VPS4B: variants seen among roughly 807,000 people sequenced by gnomAD.
VPS4B encodes vacuolar protein sorting-associated protein 4B.
VPS4B carries 23 observed loss-of-function variants against 56.1 expected under a neutral mutation model. The observed-to-expected ratio is 0.41, with a 90% CI of 0.30 to 0.58. The LOEUF is 0.58. Among genes scored for constraint, VPS4B ranks in the 20% least tolerant of loss-of-function variants. The pLI, the probability that VPS4B is intolerant of heterozygous loss-of-function variation, is 0.29. For synonymous variants in VPS4B, 177 were observed against 186.0 expected, an observed-to-expected ratio of 0.95 and a Z score of 0.39; for missense variants, 372 against 531.9, an observed-to-expected ratio of 0.70 and a Z score of 2.96.
intron 5 of VPS4B, 124 bp downstream of exon 5, chr18:63,403,583 C>A: frequency 9.5e-7 from 1 of 1,055,520 alleles, no homozygotes; most frequent in Non-Finnish European, 1.3e-6. Flanking sequence ...GATATATCAC[C>A]ACCTTTTAAC....
intron 1 of VPS4B, among the ~76,000 whole-genome samples, chr18:63,421,822 A>G (rs571418636): frequency 2.0e-5 from 3 of 152,220 alleles, no homozygotes; most frequent in Non-Finnish European, 4.4e-5. Context: ...CTCACCTGAC[A>G]GCTCAGAATG....
At chr18:63,400,437 G>A (rs1204883163) in intron 6 of VPS4B, 110 bp downstream of exon 6, 19 of 1,236,430 alleles carry the variant, frequency 1.5e-5, no homozygotes, top group Non-Finnish European at 2.1e-5. Context: ...GTGAGTACCT[G>A]TATTACATGA....
At chr18:63,415,033 T>C (rs375829086) in intron 1 of VPS4B, among the ~76,000 whole-genome samples, 4 of 152,314 alleles carry the variant, frequency 2.6e-5, no homozygotes, top group South Asian at 2.1e-4. Context: ...GTAATTAAAA[T>C]AGCCACATGC....
intron 5 of VPS4B, among the ~76,000 whole-genome samples, chr18:63,401,088 T>C (rs1318969892): frequency 2.0e-5 from 3 of 152,194 alleles, no homozygotes; most frequent in Non-Finnish European, 4.4e-5. Context: ...CAGAATATTG[T>C]ACAAAAATTA....
At chr18:63,414,199 T>C (rs1916111936) in intron 1 of VPS4B, among the ~76,000 whole-genome samples, 1 of 151,690 alleles carries the variant, frequency 6.6e-6, no homozygotes, top group Non-Finnish European at 1.5e-5. Flanking sequence ...CTGGCCAATA[T>C]AATGAAACCC....
chr18:63,400,319 T>C (rs1402106426), intron 6 of VPS4B, 123 bp from the exon 7 acceptor site: 1 of 1,171,610 alleles, frequency 8.5e-7, no homozygotes, highest in Non-Finnish European at 1.2e-6. Flanking sequence ...GTACAGAAAA[T>C]AAGAATGCTA....
Position 63,391,083 on chromosome 18 carries a change from G to A in VPS4B, c.1234-7C>T, listed in dbSNP as rs746783282. The A allele has an allele frequency of 1.1e-5, 18 of 1,586,544 alleles. No homozygotes were observed. The highest frequency in any genetic ancestry group is 4.4e-5 in the South Asian group (4 of 90,118). On this transcript the variant is annotated splice_polypyrimidine_tract_variant and splice_region_variant and intron_variant, in intron 10 of 10. Coordinates refer to ENST00000238497, the MANE Select transcript of VPS4B (RefSeq NM_004869.4). Reference sequence around the variant, plus strand: ...GTGACCGCAACATATCCGACTGTCAGGGAAAAAGAAGGGTAGGGAGGATAT... The same window carrying A: ...GTGACCGCAACATATCCGACTGTCAAGGAAAAAGAAGGGTAGGGAGGATAT...
At chr18:63,420,459 C>T (rs1037975324) in intron 1 of VPS4B, among the ~76,000 whole-genome samples, 7 of 151,850 alleles carry the variant, frequency 4.6e-5, no homozygotes, top group Admixed American at 4.6e-4. Flanking sequence ...ACAACAACAA[C>T]AAAAACCTGC....
intron 4 of VPS4B, among the ~76,000 whole-genome samples, chr18:63,406,219 C>T (rs549763652): frequency 1.6e-4 from 24 of 152,278 alleles, no homozygotes; most frequent in African/African-American, 5.5e-4. Flanking sequence ...GTGGTGGGGA[C>T]ACCACTACGC....
rs1915494532 is a variant in VPS4B at position 63,389,498 on chromosome 18, C to G, written c.*1477G>C. 6.6e-6 allele frequency: 1 copy of G among 152,614 alleles called. No homozygotes were observed. The highest frequency in any genetic ancestry group is 1.5e-5 in the Non-Finnish European group (1 of 68,036). The allele number at this position is 152,614 out of a possible 1,614,324, so 9.5% of individuals were successfully genotyped here. A position where few individuals can be genotyped will look rare whatever the true frequency, so the allele number is the denominator to read the frequency against. ...CTGTAATTAGGGAATCTAGTTCATC[C>G]TAACTTAATAGTCTTTTGCATGTAT... On this transcript the variant is annotated 3_prime_UTR_variant, in exon 11 of 11. Transcript: ENST00000238497.
intron 1 of VPS4B, among the ~76,000 whole-genome samples, chr18:63,418,915 T>A (rs1483525869): frequency 1.3e-5 from 2 of 152,214 alleles, no homozygotes; most frequent in Non-Finnish European, 2.9e-5. Flanking sequence ...TACACATATG[T>A]ATGCAAATAT....
rs1916012875 is a variant in VPS4B at position 63,410,381 on chromosome 18, C to T, written c.205G>A (p.Ala69Thr). 1 of 1,613,916 alleles carries T rather than the reference C, an allele frequency of 6.2e-7. No homozygotes were observed. Among genetic ancestry groups the T allele is most frequent in the East Asian group, 2.2e-5 (1 of 44,880 alleles). ...TTCAGGTACTCCTTTAGTTTTTCTG[C>T]TCTATCAAGATATTCTGTACACTTT... Reference protein sequence around the residue: ...RAKCTEYLDRAEKLKEYLKNK... With the variant: ...RAKCTEYLDRTEKLKEYLKNK... The change falls in exon 3 of 11, where the codon GCA becomes ACA. Residue 69 changes from alanine (A) to threonine (T), a missense_variant. Ala to Thr is a moderately conservative substitution (Grantham distance 58). Coordinates refer to ENST00000238497, the MANE Select transcript of VPS4B (RefSeq NM_004869.4).
intron 9 of VPS4B, chr18:63,396,235 C>T (rs1181697643): frequency 6.6e-6 from 1 of 151,988 alleles, no homozygotes; most frequent in Non-Finnish European, 1.5e-5. Context: ...AAATTTAAAA[C>T]ACATTAGGAT....
chr18:63,410,924 A>T (rs1486325011), intron 2 of VPS4B, among the ~76,000 whole-genome samples: 1 of 152,024 alleles, frequency 6.6e-6, no homozygotes, highest in Admixed American at 6.6e-5. Context: ...AAATTTTACT[A>T]CACAAAGGCC....
At chr18:63,398,204 CAT>C (rs200905713) in intron 8 of VPS4B, among the ~76,000 whole-genome samples, 8,161 of 112,390 alleles carry the variant, frequency 0.073, 702 homozygotes, top group African/African-American at 0.22. Flanking sequence ...CACACACACA[CAT>C]ATATATATAT....
chr18:63,403,672 A>G, intron 5 of VPS4B, 35 bp downstream of exon 5: 1 of 1,573,364 alleles, frequency 6.4e-7, no homozygotes, highest in Non-Finnish European at 8.6e-7. Context: ...ACTTTTACAA[A>G]CTCATGAAAT....
intron 1 of VPS4B, among the ~76,000 whole-genome samples, chr18:63,417,597 C>T (rs117983283): frequency 1.0e-3 from 156 of 152,216 alleles, no homozygotes; most frequent in Non-Finnish European, 1.6e-3. Flanking sequence ...TTCCTCCCCC[C>T]CTACATCAGT....
At chr18:63,396,892 A>C (rs1227527661) in intron 9 of VPS4B, 142 bp downstream of exon 9, 1 of 708,872 alleles carries the variant, frequency 1.4e-6, no homozygotes. Flanking sequence ...CAGGAGGCTA[A>C]GGCATGAGAA....
At chr18:63,395,316 C>T (rs1186882038) in intron 9 of VPS4B, among the ~76,000 whole-genome samples, 1 of 152,180 alleles carries the variant, frequency 6.6e-6, no homozygotes, top group Non-Finnish European at 1.5e-5. Context: ...CTTAACAGTA[C>T]TTCAGTAATG....
Sources: allele counts gnomAD v4.1 joint callset (sites outside exome capture counted in the v4.1 genomes callset), GRCh38; gene constraint gnomAD v4.1.1; transcripts MANE v1.5; gene names NCBI Gene and HGNC (gene_info 2026-07-23, HGNC 2026-07-21).